Variants in NAGPA observed in about 807,000 individuals in gnomAD.
NAGPA encodes alpha-N-acetylglucosaminyl phosphodiesterase.
NAGPA carries 56 observed loss-of-function variants against 48.5 expected under a neutral mutation model. The observed-to-expected ratio is 1.15, with a 90% confidence interval of 0.93 to 1.44. NAGPA has a LOEUF of 1.44. Among genes scored for constraint, NAGPA ranks in the 40% most tolerant of loss-of-function variants. The pLI is 0.00. For synonymous variants in NAGPA, 399 were observed against 315.5 expected, an observed-to-expected ratio of 1.26 and a Z score of -2.81; for missense variants, 888 against 735.0, an observed-to-expected ratio of 1.21 and a Z score of -2.41.
intron 9 of NAGPA, among the ~76,000 whole-genome samples, chr16:5,026,085 C>T (rs751727945): frequency 1.1e-4 from 16 of 151,956 alleles, no homozygotes; most frequent in African/African-American, 2.2e-4. Context: ...CGAATCACCA[C>T]GCCTGGCTAA....
chr16:5,033,116 G>A lies in NAGPA; in HGVS notation c.542+157C>T, dbSNP rs1437474290. ...AAGCAAGTGCTCAATGATACTGGATGATGAATAAACTCTGCAAGGAAGCGA... is the reference window on the plus strand; with the variant it reads ...AAGCAAGTGCTCAATGATACTGGATAATGAATAAACTCTGCAAGGAAGCGA... On this transcript the variant is annotated intron_variant, in intron 2 of 9. Coordinates refer to ENST00000312251, the MANE Select transcript of NAGPA (RefSeq NM_016256.4). This position sits in a 1 kb window ranked among gnomAD's most constrained non-coding sequence, Gnocchi z 4.2. 1.2e-6 allele frequency: 1 copy of A among 859,752 alleles called. No individual in the cohort carries two copies. Among genetic ancestry groups the A allele is most frequent in the South Asian group, 1.6e-5 (1 of 61,974 alleles). 53.3% of individuals were successfully genotyped at this position (859,752 alleles called of 1,614,324 possible). A position where few individuals can be genotyped will look rare whatever the true frequency, so the allele number is the denominator to read the frequency against.
At chr16:5,027,257 T>C in intron 8 of NAGPA, 21 bp downstream of exon 8, 14 of 1,613,996 alleles carry the variant, frequency 8.7e-6, no homozygotes, top group Non-Finnish European at 1.2e-5. Context: ...CCCATACCCC[T>C]CCCCTTGGAG....
At chr16:5,032,497 CA>C (rs372776493) in intron 2 of NAGPA, among the ~76,000 whole-genome samples, 3,106 of 151,316 alleles carry the variant, frequency 0.021, 123 homozygotes, top group African/African-American at 0.071. Context: ...CCCCGTTCCC[CA>C]CCCCATCCCG....
intron 9 of NAGPA, 146 bp from the exon 10 acceptor site, chr16:5,025,831 T>A (rs1409657698): frequency 5.0e-6 from 4 of 805,154 alleles, no homozygotes; most frequent in Non-Finnish European, 8.0e-6. Context: ...ATGAGCAAAA[T>A]GGACTAGGTG....
At position 5,027,911 on chromosome 16, in the gene NAGPA, G is replaced by C; in HGVS notation, c.1127-18C>G. 6.2e-7 allele frequency: 1 copy of C among 1,609,148 alleles called. No individual in the cohort carries two copies. Among genetic ancestry groups the C allele is most frequent in the Non-Finnish European group, 8.5e-7 (1 of 1,178,030 alleles). Reference sequence around the variant, plus strand: ...GCAGCCGGCTGCCGAGACAAGACCGGGGAGGCCAGGTGAGGGCCTAGGGCA... The same window carrying C: ...GCAGCCGGCTGCCGAGACAAGACCGCGGAGGCCAGGTGAGGGCCTAGGGCA... On this transcript the variant is annotated intron_variant, in intron 6 of 9. Transcript: ENST00000312251.
chr16:5,031,538 C>G, intron 3 of NAGPA: 1 of 677,140 alleles, frequency 1.5e-6, no homozygotes, highest in Non-Finnish European at 2.5e-6. Flanking sequence ...GAGCACTTAT[C>G]AATTCTTTTC....
intron 5 of NAGPA, 77 bp downstream of exon 5, chr16:5,028,803 C>G (rs1956049364): frequency 1.2e-6 from 2 of 1,609,096 alleles, no homozygotes; most frequent in African/African-American, 2.7e-5. Context: ...ATAGCAGGCA[C>G]TCAATATTGG....
chr16:5,029,949 T>G, intron 4 of NAGPA: 2 of 264,034 alleles, frequency 7.6e-6, no homozygotes, highest in South Asian at 8.8e-5. Flanking sequence ...CAAAAGAACA[T>G]TCCCTGCTGA....
Position 5,028,888 on chromosome 16 carries a change from T to G in NAGPA, c.912A>C (p.Ser304=). The change falls in exon 5 of 10, where the codon TCA becomes TCC. Residue 304 remains serine (S), a synonymous_variant. Coordinates refer to ENST00000312251, the MANE Select transcript of NAGPA (RefSeq NM_016256.4). ...GGCTCTCACGTGCTTACCAGTGATC[T>G]GACGGGTAACTGGCCAAGGTCCCGT... ...VLNGTLASYP[S]DHCQDNMWRC... 6.2e-7 allele frequency: 1 copy of G among 1,614,086 alleles called. No homozygotes were observed. Among genetic ancestry groups the G allele is most frequent in the Non-Finnish European group, 8.5e-7 (1 of 1,180,040 alleles).
chr16:5,028,010 T>C lies in NAGPA; in HGVS notation c.1096A>G (p.Asn366Asp). 1 of 1,612,448 alleles carries C rather than the reference T, an allele frequency of 6.2e-7. No homozygotes were observed. Among genetic ancestry groups the C allele is most frequent in the East Asian group, 2.2e-5 (1 of 44,706 alleles). The change falls in exon 6 of 10, where the codon AAC becomes GAC. Residue 366 changes from asparagine (N) to aspartate (D), a missense_variant. Asn to Asp is a conservative substitution (Grantham distance 23). Coordinates refer to ENST00000312251, the MANE Select transcript of NAGPA (RefSeq NM_016256.4). ...GTGCACAGTCCGTGCTGGCTGCAGT[T>C]AGAGGGGCCACAGTCCAGCTCATCA... ...GCDELDCGPSNCSQHGLCTET... is the reference protein window; with the variant it reads ...GCDELDCGPSDCSQHGLCTET...
In NAGPA at chr16:5,027,829, G is replaced by A. The variant is rs770089147; in HGVS notation, c.1174+17C>T. 9.0e-6 allele frequency: 14 copies of A among 1,554,074 alleles called. No homozygotes were observed. The East Asian group carries it at 2.4e-4, about 27-fold the overall frequency. On this transcript the variant is annotated intron_variant, in intron 7 of 9. Coordinates refer to ENST00000312251, the MANE Select transcript of NAGPA (RefSeq NM_016256.4). ...GGCCACCGTCTCCCCATCCGCTAGT[G>A]GCGTGGCAGCTCCTACCTTCACTGC...
intron 5 of NAGPA, 111 bp downstream of exon 5, chr16:5,028,769 T>C: frequency 1.3e-6 from 2 of 1,565,440 alleles, no homozygotes; most frequent in Non-Finnish European, 1.7e-6. Flanking sequence ...ATTTCTGCTC[T>C]CTTGAACCCC....
In NAGPA at chr16:5,024,863, C is replaced by T. The variant is rs1353519197; in HGVS notation, c.*615G>A. The T allele has an allele frequency of 6.4e-6, 1 of 156,708 alleles. No individual in the cohort carries two copies. The highest frequency in any genetic ancestry group is 1.4e-5 in the Non-Finnish European group (1 of 70,406). The allele number at this position is 156,708 out of a possible 1,614,324, so 9.7% of individuals were successfully genotyped here. A position where few individuals can be genotyped will look rare whatever the true frequency, so the allele number is the denominator to read the frequency against. Reference sequence around the variant, plus strand: ...CCATGATTCAGAATCCACACACCACCTGGTGGCTCCTTTTATTATATCAAT... The same window carrying T: ...CCATGATTCAGAATCCACACACCACTTGGTGGCTCCTTTTATTATATCAAT... On this transcript the variant is annotated 3_prime_UTR_variant, in exon 10 of 10. Transcript: ENST00000312251.
chr16:5,028,646 C>T, intron 5 of NAGPA: 2 of 635,782 alleles, frequency 3.1e-6, no homozygotes, highest in Non-Finnish European at 5.5e-6. Flanking sequence ...CCAGCTACCA[C>T]CTCCTTCAGA....
chr16:5,031,502 T>C, intron 3 of NAGPA: 1 of 531,584 alleles, frequency 1.9e-6, no homozygotes, highest in South Asian at 2.0e-5. Context: ...ATCTCTCCCC[T>C]TTCCCCTAAC....
chr16:5,026,170 C>T (rs1955996662), intron 9 of NAGPA, among the ~76,000 whole-genome samples: 1 of 146,838 alleles, frequency 6.8e-6, no homozygotes, highest in African/African-American at 2.5e-5. Flanking sequence ...CTCAAGTGAT[C>T]CACCTGCCTC....
Position 5,025,298 on chromosome 16 carries a change from G to A in NAGPA, c.*180C>T, listed in dbSNP as rs2142553214. On this transcript the variant is annotated 3_prime_UTR_variant, in exon 10 of 10. Transcript: ENST00000312251. Reference sequence around the variant, plus strand: ...GAGCATGGTATTGCTAGGGTTGCAGGTGCCCTGGCAGGTGGCCAGGTGAGG... The same window carrying A: ...GAGCATGGTATTGCTAGGGTTGCAGATGCCCTGGCAGGTGGCCAGGTGAGG... 5 of 712,744 alleles carry A rather than the reference G, an allele frequency of 7.0e-6. 1 individual carries two copies. Among genetic ancestry groups the A allele is most frequent in the South Asian group, 3.4e-5 (2 of 58,356 alleles). The allele number at this position is 712,744 out of a possible 1,614,324, so 44.2% of individuals were successfully genotyped here.
chr16:5,029,445 G>A, intron 4 of NAGPA: 1 of 287,520 alleles, frequency 3.5e-6, no homozygotes, highest in Non-Finnish European at 6.8e-6. Context: ...GGGAAACCAA[G>A]ACCTCAGTCA....
intron 3 of NAGPA, chr16:5,031,357 G>A (rs1238053613): frequency 6.3e-6 from 2 of 317,320 alleles, no homozygotes; most frequent in African/African-American, 4.3e-5. Flanking sequence ...ATAGACTCTT[G>A]GGCCTTGCCT....
Sources: gnomAD v4.1 joint callset for allele counts (sites outside exome capture counted in the v4.1 genomes callset) on GRCh38, gnomAD v4.1.1 for gene constraint, Gnocchi (gnomAD v3.1) non-coding constraint, MANE v1.5 for transcripts, NCBI Gene and HGNC (gene_info 2026-07-23, HGNC 2026-07-21) for gene names.